Variants in TCERG1L observed in about 807,000 individuals in gnomAD.
The protein encoded by TCERG1L is transcription elongation regulator 1-like protein.
A neutral mutation model predicts 56.3 loss-of-function variants in TCERG1L; 37 were observed. The ratio of observed to expected loss-of-function variants is 0.66; its 90% confidence interval spans 0.51 to 0.87. The LOEUF is 0.87. Among genes scored for constraint, TCERG1L ranks in the 40% least tolerant of loss-of-function variants. The probability of loss-of-function intolerance (pLI) is 0.00; values close to 1 mark genes in which losing one functional copy is unlikely to be tolerated. For missense variants in TCERG1L, 799 were observed against 774.2 expected, an observed-to-expected ratio of 1.03 and a Z score of -0.38; for synonymous variants, 324 against 326.3, an observed-to-expected ratio of 0.99 and a Z score of 0.08.
Position 131,192,158 on chromosome 10 carries a change from T to C in TCERG1L, c.857-25273A>G, listed in dbSNP as rs950247443. On this transcript the variant is annotated intron_variant, in intron 4 of 11. Coordinates refer to ENST00000368642, the MANE Select transcript of TCERG1L (RefSeq NM_174937.4). ...ACAAAGGACTAGTATCCAGAATCTA[T>C]GAGGAACTCAAACCACCAAGGAAAA... is the stretch of plus-strand genomic sequence containing the variant. 1.0e-4 allele frequency among the ~76,000 whole-genome samples: 15 copies of C among 143,280 alleles called. 2 individuals carry two copies. The highest frequency in any genetic ancestry group is 1.4e-4 in the Non-Finnish European group (9 of 65,134). 94.0% of individuals were successfully genotyped at this position (143,280 alleles called of 152,430 possible). A position where few individuals can be genotyped will look rare whatever the true frequency, so the allele number is the denominator to read the frequency against.
intron 4 of TCERG1L, among the ~76,000 whole-genome samples, chr10:131,258,392 AGGAGGCCGCCAG>A (rs1295157406): frequency 6.6e-6 from 1 of 152,212 alleles, no homozygotes; most frequent in Non-Finnish European, 1.5e-5. Context: ...CCGAGTCCAG[AGGAGGCCGCCAG>A]GGCAGCACTG....
intron 4 of TCERG1L, among the ~76,000 whole-genome samples, chr10:131,189,142 T>A (rs575788100): frequency 2.6e-5 from 4 of 152,254 alleles, no homozygotes; most frequent in Non-Finnish European, 4.4e-5. Flanking sequence ...CAGATTGTTG[T>A]AAAAGAAAGT....
intron 6 of TCERG1L, among the ~76,000 whole-genome samples, chr10:131,149,939 G>A (rs1427759053): frequency 2.0e-5 from 3 of 152,210 alleles, no homozygotes; most frequent in African/African-American, 7.2e-5. Context: ...ACTGGACAGT[G>A]GCTGGAAAGG....
chr10:131,216,740 G>A (rs541788856), intron 4 of TCERG1L, among the ~76,000 whole-genome samples: 21 of 152,338 alleles, frequency 1.4e-4, no homozygotes, highest in South Asian at 1.0e-3. Flanking sequence ...AGATATTGGT[G>A]GCATTTATAA....
rs188352346 is a variant in TCERG1L at position 131,281,682 on chromosome 10, C to T, written c.671-21238G>A. Among the ~76,000 whole-genome samples, 7 of 151,752 alleles carry T rather than the reference C, an allele frequency of 4.6e-5. No homozygotes were observed. The East Asian group carries it at 5.8e-4, about 13-fold the overall frequency. Reference sequence around the variant, plus strand: ...TCCACAGTCCCCCTGGCTACTCTCCCGACGCTCCGTCCTAAAGTCCCTATT... The same window carrying T: ...TCCACAGTCCCCCTGGCTACTCTCCTGACGCTCCGTCCTAAAGTCCCTATT... On this transcript the variant is annotated intron_variant, in intron 3 of 11. Coordinates refer to ENST00000368642, the MANE Select transcript of TCERG1L (RefSeq NM_174937.4).
intron 4 of TCERG1L, among the ~76,000 whole-genome samples, chr10:131,210,476 G>A (rs558061424): frequency 1.3e-5 from 2 of 152,198 alleles, no homozygotes; most frequent in Non-Finnish European, 2.9e-5. Flanking sequence ...CCAAATGACC[G>A]GCACTCCGTG....
rs540097610 is a variant in TCERG1L, at chr10:131,170,612, C to A, written c.857-3727G>T. ...AGGTCGCATGAAGTCTGGAAGGAAGCAAAAAAGCCTGTGCTAAAAACTCCC... is the reference window on the plus strand; with the variant it reads ...AGGTCGCATGAAGTCTGGAAGGAAGAAAAAAAGCCTGTGCTAAAAACTCCC... On this transcript the variant is annotated intron_variant, in intron 4 of 11. Transcript: ENST00000368642. Among the ~76,000 whole-genome samples, 336 of 152,120 alleles carry A rather than the reference C, an allele frequency of 2.2e-3. 5 individuals are homozygous for A. The highest frequency in any genetic ancestry group is 1.5e-3 in the East Asian group (8 of 5,164).
chr10:131,211,490 G>T (rs1378912145), intron 4 of TCERG1L, among the ~76,000 whole-genome samples: 3 of 152,172 alleles, frequency 2.0e-5, no homozygotes, highest in Non-Finnish European at 4.4e-5. Flanking sequence ...CTTCTATTTA[G>T]TTACACCACG....
At chr10:131,145,446 A>G (rs72845678) in intron 7 of TCERG1L, among the ~76,000 whole-genome samples, 19,700 of 152,242 alleles carry the variant, frequency 0.13, 1,742 homozygotes, top group Non-Finnish European at 0.2. Context: ...TCTTTTCCCA[A>G]CATCAGTTGA....
chr10:131,192,517 G>C lies in TCERG1L; in HGVS notation c.857-25632C>G, dbSNP rs1300811183. 1.4e-5 allele frequency among the ~76,000 whole-genome samples: 2 copies of C among 143,916 alleles called. 1 individual carries two copies. Among genetic ancestry groups the C allele is most frequent in the Non-Finnish European group, 3.1e-5 (2 of 65,282 alleles). The allele number at this position is 143,916 out of a possible 152,430, so 94.4% of individuals were successfully genotyped here. A position where few individuals can be genotyped will look rare whatever the true frequency, so the allele number is the denominator to read the frequency against. ...ATTTGATCCAGCAATCCCACTACTG[G>C]GGGTCTACCCAAAGGAAAATAAGTC... On this transcript the variant is annotated intron_variant, in intron 4 of 11. Transcript: ENST00000368642.
intron 4 of TCERG1L, among the ~76,000 whole-genome samples, chr10:131,179,265 G>T (rs1340749355): frequency 6.6e-6 from 1 of 152,250 alleles, no homozygotes; most frequent in Non-Finnish European, 1.5e-5. Context: ...TGTTTCCCAG[G>T]TCACAGCGAG....
chr10:131,125,713 C>T (rs1055666589), intron 8 of TCERG1L, among the ~76,000 whole-genome samples: 5 of 152,328 alleles, frequency 3.3e-5, no homozygotes, highest in South Asian at 4.1e-4. Flanking sequence ...GCTCTGCTCA[C>T]GTGGATGGTC....
chr10:131,168,915 C>T (rs1313350379), intron 4 of TCERG1L, among the ~76,000 whole-genome samples: 1 of 152,246 alleles, frequency 6.6e-6, no homozygotes, highest in African/African-American at 2.4e-5. Context: ...TCAGGCCTGA[C>T]AGCTGCGTGC....
intron 3 of TCERG1L, among the ~76,000 whole-genome samples, chr10:131,288,374 C>T (rs1453023253): frequency 6.6e-6 from 1 of 152,170 alleles, no homozygotes; most frequent in African/African-American, 2.4e-5. Flanking sequence ...CTAGGAGTAA[C>T]TAACCACCAG....
Position 131,285,465 on chromosome 10 carries a change from G to A in TCERG1L, c.670+22746C>T, listed in dbSNP as rs573609400. 9.4e-4 allele frequency among the ~76,000 whole-genome samples: 98 copies of A among 103,974 alleles called. 1 individual carries two copies. Among genetic ancestry groups the A allele is most frequent in the Admixed American group, 1.6e-3 (14 of 8,672 alleles). 68.2% of individuals were successfully genotyped at this position (103,974 alleles called of 152,430 possible). A position where few individuals can be genotyped will look rare whatever the true frequency, so the allele number is the denominator to read the frequency against. The stretch of plus-strand genomic sequence containing the variant: ...AGAAACAAAGAAAGAGAGAGAAAGG[G>A]AAGAAAGAAAGAAAGAAAGAAAGAA... On this transcript the variant is annotated intron_variant, in intron 3 of 11. Transcript: ENST00000368642.
intron 9 of TCERG1L, among the ~76,000 whole-genome samples, chr10:131,114,387 T>C (rs1219638599): frequency 1.4e-5 from 2 of 140,830 alleles, no homozygotes; most frequent in East Asian, 4.8e-4. Context: ...AGCAGTAAAT[T>C]TGGATTGATC....
intron 9 of TCERG1L, among the ~76,000 whole-genome samples, chr10:131,106,694 C>T (rs1891780): frequency 0.64 from 97,182 of 151,864 alleles, 31,286 homozygotes; most frequent in East Asian, 0.71. Context: ...CCCTGGGATC[C>T]GGGCAGATGA....
At chr10:131,286,220 A>T (rs1846540174) in intron 3 of TCERG1L, among the ~76,000 whole-genome samples, 1 of 152,222 alleles carries the variant, frequency 6.6e-6, no homozygotes, top group African/African-American at 2.4e-5. Flanking sequence ...GGAAGTTCTT[A>T]TAAGAAAATG....
chr10:131,224,821 A>C (rs1255096179), intron 4 of TCERG1L, among the ~76,000 whole-genome samples: 1 of 152,056 alleles, frequency 6.6e-6, no homozygotes, highest in African/African-American at 2.4e-5. Flanking sequence ...GAAAAATAAC[A>C]ACCTCTGGCA....
Sources: allele counts gnomAD v4.1 joint callset (sites outside exome capture counted in the v4.1 genomes callset), GRCh38; gene constraint gnomAD v4.1.1; transcripts MANE v1.5; gene names NCBI Gene and HGNC (gene_info 2026-07-23, HGNC 2026-07-21).